The following GSE1 variants were observed in gnomAD, a reference collection of about 807,000 sequenced individuals.
GSE1 encodes Gse1 coiled-coil protein, also known as genetic suppressor element 1.
Under a neutral mutation model 112.6 loss-of-function variants are expected in GSE1, and 32 were observed. The ratio of observed to expected loss-of-function variants is 0.28; its 90% CI spans 0.21 to 0.38. The LOEUF is 0.38. Among genes scored for constraint, GSE1 ranks in the 10% least tolerant of loss-of-function variants. GSE1 has a pLI of 1.00. For missense variants in GSE1, 2,348 were observed against 1,699.2 expected (o/e 1.38, Z -6.71); for synonymous variants, 1,115 against 735.6 (o/e 1.52, Z -8.35).
intron 2 of GSE1, among the ~76,000 whole-genome samples, chr16:85,643,310 G>A (rs367829099): frequency 6.6e-6 from 1 of 152,124 alleles, no homozygotes; most frequent in East Asian, 1.9e-4. Context: ...CGGTGAGAAT[G>A]AGGGTTCGAG....
intron 2 of GSE1, among the ~76,000 whole-genome samples, chr16:85,645,640 C>T (rs925803077): frequency 2.0e-5 from 3 of 152,244 alleles, no homozygotes; most frequent in Non-Finnish European, 2.9e-5. Flanking sequence ...CCCCTGTGAG[C>T]AGCAGTTTTC....
chr16:85,548,582 C>G (rs183223579), intron 2 of GSE1, among the ~76,000 whole-genome samples: 68 of 152,276 alleles, frequency 4.5e-4, no homozygotes, highest in African/African-American at 1.6e-3. Flanking sequence ...GGGTTTCATT[C>G]TTTTTTACGG....
chr16:85,365,701 T>C (rs1292521150), intron 2 of GSE1, among the ~76,000 whole-genome samples: 1 of 152,252 alleles, frequency 6.6e-6, no homozygotes, highest in Non-Finnish European at 1.5e-5. Flanking sequence ...CGAAGGTTTA[T>C]AGAAGGTGAA....
intron 2 of GSE1, among the ~76,000 whole-genome samples, chr16:85,499,633 G>C (rs1043115776): frequency 6.6e-6 from 1 of 152,126 alleles, no homozygotes; most frequent in African/African-American, 2.4e-5. Flanking sequence ...ATGCACCTCA[G>C]CGTGAATGTA....
chr16:85,441,867 C>T (rs573246891), intron 2 of GSE1, among the ~76,000 whole-genome samples: 49 of 152,298 alleles, frequency 3.2e-4, no homozygotes, highest in Admixed American at 2.9e-3. Flanking sequence ...TTAGAACATC[C>T]GAGAGCCCAT....
intron 1 of GSE1, among the ~76,000 whole-genome samples, chr16:85,556,735 C>T (rs1201007408): frequency 6.7e-6 from 1 of 148,974 alleles, no homozygotes; most frequent in Non-Finnish European, 1.5e-5. Context: ...CAGGCCGCCC[C>T]GATCGGGTAG....
chr16:85,494,821 T>C (rs972308355), intron 2 of GSE1, among the ~76,000 whole-genome samples: 2 of 152,238 alleles, frequency 1.3e-5, no homozygotes, highest in African/African-American at 4.8e-5. Context: ...TGTGACCCCC[T>C]GTTCTTCTGA....
chr16:85,574,013 C>A, intron 1 of GSE1, among the ~76,000 whole-genome samples: 1 of 152,228 alleles, frequency 6.6e-6, no homozygotes, highest in Non-Finnish European at 1.5e-5. Flanking sequence ...CCCATCAGCT[C>A]AGCCCCCGCG....
intron 1 of GSE1, among the ~76,000 whole-genome samples, chr16:85,204,392 G>A (rs770991659): frequency 6.6e-6 from 1 of 152,224 alleles, no homozygotes; most frequent in Non-Finnish European, 1.5e-5. Context: ...TTTGGCTAGT[G>A]TGAGTAATGC....
At chr16:85,313,038 C>T (rs575142554) in intron 1 of GSE1, among the ~76,000 whole-genome samples, 20 of 152,234 alleles carry the variant, frequency 1.3e-4, no homozygotes, top group South Asian at 2.1e-4. Flanking sequence ...AGCCACTGCC[C>T]GGCTGATACT....
intron 1 of GSE1, among the ~76,000 whole-genome samples, chr16:85,246,234 C>G (rs188804410): frequency 1.4e-5 from 2 of 141,882 alleles, no homozygotes; most frequent in East Asian, 4.2e-4. Flanking sequence ...CACACACACA[C>G]ACACGCACAC....
At chr16:85,188,363 G>C (rs1365281662) in intron 1 of GSE1, among the ~76,000 whole-genome samples, 1 of 152,234 alleles carries the variant, frequency 6.6e-6, no homozygotes, top group African/African-American at 2.4e-5. Flanking sequence ...CTCAATTAAT[G>C]TTGGCTCTTA....
At chr16:85,613,297 C>T, upstream of GSE1, 1 of 1,540,516 alleles carries the variant, frequency 6.5e-7, no homozygotes, top group South Asian at 1.2e-5. Context: ...GCTGCCGCCG[C>T]CGAGCAGCCC....
At chr16:85,511,566 C>G (rs1273618554) in intron 2 of GSE1, among the ~76,000 whole-genome samples, 1 of 151,886 alleles carries the variant, frequency 6.6e-6, no homozygotes, top group African/African-American at 2.4e-5. Context: ...CAAATGATGC[C>G]CAGGTCCTGA....
chr16:85,226,214 G>A (rs568878854), intron 1 of GSE1, among the ~76,000 whole-genome samples: 5 of 152,296 alleles, frequency 3.3e-5, no homozygotes, highest in East Asian at 1.9e-4. Flanking sequence ...CAGAGAGGCC[G>A]TCTATCAGGA....
chr16:85,622,213 T>G (rs2048785838), intron 1 of GSE1, among the ~76,000 whole-genome samples: 1 of 152,122 alleles, frequency 6.6e-6, no homozygotes. Flanking sequence ...TTATGGGAGC[T>G]TTTCCTGGAC....
At chr16:85,296,935 TC>T (rs911247886) in intron 1 of GSE1, among the ~76,000 whole-genome samples, 1 of 152,166 alleles carries the variant, frequency 6.6e-6, no homozygotes, top group African/African-American at 2.4e-5. Context: ...CCCAGGCTGC[TC>T]CCCCGGCGCT....
At chr16:85,383,385 TACACTC>T (rs922605272) in intron 2 of GSE1, among the ~76,000 whole-genome samples, 3 of 149,328 alleles carry the variant, frequency 2.0e-5, no homozygotes, top group African/African-American at 7.4e-5. Context: ...ACAGCACACA[TACACTC>T]ACACACATGC....
intron 8 of GSE1, among the ~76,000 whole-genome samples, chr16:85,658,007 G>A (rs1189194202): frequency 6.6e-6 from 1 of 152,220 alleles, no homozygotes; most frequent in Non-Finnish European, 1.5e-5. Context: ...ACAAGAAGGG[G>A]ACAGCTTTTG....
Sources: gnomAD v4.1 joint callset for allele counts (sites outside exome capture counted in the v4.1 genomes callset) on GRCh38, gnomAD v4.1.1 for gene constraint, MANE v1.5 for transcripts, NCBI Gene and HGNC (gene_info 2026-07-23, HGNC 2026-07-21) for gene names.